MED15: variants seen among roughly 807,000 people sequenced by gnomAD.
The protein encoded by MED15 is mediator of RNA polymerase II transcription subunit 15.
A neutral mutation model predicts 118.7 loss-of-function variants in MED15; 41 were observed. The observed-to-expected ratio is 0.35, with a 90% CI of 0.27 to 0.45. The LOEUF (loss-of-function observed/expected upper bound fraction) is 0.45, where lower values mean the gene tolerates loss of function less well. MED15 is among the 20% of genes least tolerant of loss of function. MED15 has a pLI of 1.00. For synonymous variants in MED15, 436 were observed against 413.9 expected, an observed-to-expected ratio of 1.05 and a Z score of -0.65; for missense variants, 740 against 1,025.5, an observed-to-expected ratio of 0.72 and a Z score of 3.80.
chr22:20,535,872 C>CTTTTTTTTTTTTTT (rs536712415), intron 1 of MED15, among the ~76,000 whole-genome samples: 1 of 98,688 alleles, frequency 1.0e-5, no homozygotes, highest in Non-Finnish European at 2.0e-5. Context: ...TTCTTTCTTT[C>CTTTTTTTTTTTTTT]TTTTTTTTTT....
intron 1 of MED15, among the ~76,000 whole-genome samples, chr22:20,521,914 T>C (rs914562824): frequency 3.3e-5 from 5 of 151,756 alleles, no homozygotes; most frequent in Admixed American, 2.6e-4. Context: ...TTAGTAGAGA[T>C]GGGGTTTCGC....
At position 20,537,633 on chromosome 22, in the gene MED15, T is replaced by C. The variant is rs2055132646; in HGVS notation, c.156+429T>C. 2.0e-5 allele frequency among the ~76,000 whole-genome samples: 3 copies of C among 152,348 alleles called. No homozygotes were observed. In the South Asian group the frequency reaches 6.2e-4, roughly 32 times the overall value. The stretch of plus-strand genomic sequence containing the variant: ...AGCATTCCTGTCCCCTTTTGCTAAG[T>C]GAAGAAGGTGATGCTTATCTAGAAC... On this transcript the variant is annotated intron_variant, in intron 2 of 17. Coordinates refer to ENST00000263205, the MANE Select transcript of MED15 (RefSeq NM_001003891.3).
At chr22:20,523,517 A>C (rs1440664835) in intron 1 of MED15, 1 of 326,638 alleles carries the variant, frequency 3.1e-6, no homozygotes, top group Non-Finnish European at 4.4e-6. Flanking sequence ...CACATCCCAG[A>C]CACCAGATGA....
intron 5 of MED15, among the ~76,000 whole-genome samples, chr22:20,557,972 G>C (rs993295251): frequency 4.6e-5 from 7 of 152,322 alleles, no homozygotes; most frequent in African/African-American, 1.7e-4. Flanking sequence ...CGGGCGTAGT[G>C]GTGGGTGCCT....
At chr22:20,557,236 C>T (rs949746585) in intron 5 of MED15, among the ~76,000 whole-genome samples, 1 of 152,064 alleles carries the variant, frequency 6.6e-6, no homozygotes, top group African/African-American at 2.4e-5. Context: ...GCTGCCTGAC[C>T]CCATCCTCAC....
chr22:20,585,167 G>A lies in MED15; in HGVS notation c.2031G>A (p.Val677=). ...ATGAGCGGCAGAGCATCCCCAGTGT[G>A]CTCCAGGGTGAGGTGGCCAGGCTGG... ...EDDERQSIPS[V]LQGEVARLDP... Residue 677 remains valine, a synonymous_variant, in exon 16 of 18, where the codon GTG becomes GTA. Transcript: ENST00000263205. The A allele has an allele frequency of 6.2e-7, 1 of 1,613,794 alleles. No individual in the cohort carries two copies. Among genetic ancestry groups the A allele is most frequent in the Non-Finnish European group, 8.5e-7 (1 of 1,180,020 alleles).
intron 8 of MED15, among the ~76,000 whole-genome samples, chr22:20,573,025 A>G (rs187007368): frequency 6.6e-6 from 1 of 151,314 alleles, no homozygotes; most frequent in Non-Finnish European, 1.5e-5. Flanking sequence ...CTGGAGTGCA[A>G]TGGTACAGTC....
chr22:20,507,675 A>C lies in MED15; in HGVS notation c.-4A>C, dbSNP rs758630447. 2 of 1,614,020 alleles carry C rather than the reference A, an allele frequency of 1.2e-6. No individual in the cohort carries two copies. Among genetic ancestry groups the C allele is most frequent in the South Asian group, 1.1e-5 (1 of 91,088 alleles). ...ATACGGGCGGCGGGAGCTGGGGAACAGGCATGGACGTTTCCGGGCAAGAGA... is the reference window on the plus strand; with the variant it reads ...ATACGGGCGGCGGGAGCTGGGGAACCGGCATGGACGTTTCCGGGCAAGAGA... On this transcript the variant is annotated 5_prime_UTR_variant, in exon 1 of 18. Transcript: ENST00000263205.
Position 20,586,905 on chromosome 22 carries a change from G to A in MED15, c.*201G>A. 1 of 822,476 alleles carries A rather than the reference G, an allele frequency of 1.2e-6. No homozygotes were observed. Among genetic ancestry groups the A allele is most frequent in the Non-Finnish European group, 1.8e-6 (1 of 549,796 alleles). 50.9% of individuals were successfully genotyped at this position (822,476 alleles called of 1,614,324 possible). The stretch of plus-strand genomic sequence containing the variant: ...AGGCGCAGTGGAGCGGGTTGCTTGG[G>A]GGGCGTTGGCCGACTTCTTAGAGAA... On this transcript the variant is annotated 3_prime_UTR_variant, in exon 18 of 18. Coordinates refer to ENST00000263205, the MANE Select transcript of MED15 (RefSeq NM_001003891.3).
chr22:20,556,676 G>A (rs536243323), intron 5 of MED15, among the ~76,000 whole-genome samples: 1 of 151,038 alleles, frequency 6.6e-6, no homozygotes, highest in South Asian at 2.1e-4. Flanking sequence ...TTTACCACGT[G>A]TCAAATCAAG....
chr22:20,583,214 C>T lies in MED15; in HGVS notation c.1639C>T (p.Arg547Cys). The T allele has an allele frequency of 1.2e-6, 2 of 1,612,084 alleles. No homozygotes were observed. Among genetic ancestry groups the T allele is most frequent in the Non-Finnish European group, 1.7e-6 (2 of 1,179,064 alleles). The change falls in exon 12 of 18, where the codon CGC (arginine) becomes TGC (cysteine). Residue 547 changes from arginine (R) to cysteine (C), a missense_variant. Around this residue, in one of 7 missense-constraint regions of MED15, gnomAD observed 384 missense variants for 506.3 expected, o/e 0.76. Coordinates refer to ENST00000263205, the MANE Select transcript of MED15 (RefSeq NM_001003891.3). ...GCTGTCGAAGTACATCGAGCCCCTGCGCCGCATGATCAACAAGATCGACAA... is the reference window on the plus strand; with the variant it reads ...GCTGTCGAAGTACATCGAGCCCCTGTGCCGCATGATCAACAAGATCGACAA... Reference protein sequence around the residue: ...KQLSKYIEPLRRMINKIDKNE... With the variant: ...KQLSKYIEPLCRMINKIDKNE...
chr22:20,543,311 A>T (rs1409895193), intron 2 of MED15, among the ~76,000 whole-genome samples: 3 of 139,042 alleles, frequency 2.2e-5, no homozygotes, highest in African/African-American at 8.3e-5. Context: ...TCCTGGGTTC[A>T]GGTGATTATC....
intron 5 of MED15, among the ~76,000 whole-genome samples, chr22:20,562,186 A>T (rs2056268778): frequency 6.6e-6 from 1 of 152,156 alleles, no homozygotes; most frequent in South Asian, 2.1e-4. Context: ...AAAAAAAAGG[A>T]TGAAGAAAGA....
intron 9 of MED15, among the ~76,000 whole-genome samples, chr22:20,576,828 A>G (rs1230073256): frequency 2.0e-5 from 3 of 151,860 alleles, no homozygotes; most frequent in Admixed American, 2.0e-4. Context: ...CCTTGACTAG[A>G]CCCCTTTGGG....
rs575337255 is a variant in MED15, at chr22:20,508,409, C to G, written c.68+663C>G. 27 of 1,303,796 alleles carry G rather than the reference C, an allele frequency of 2.1e-5. No individual in the cohort carries two copies. The Middle Eastern group carries it at 6.4e-4, about 31-fold the overall frequency. 80.8% of individuals were successfully genotyped at this position (1,303,796 alleles called of 1,614,324 possible). A position where few individuals can be genotyped will look rare whatever the true frequency, so the allele number is the denominator to read the frequency against. ...GTTTCTGTTAGCAGTTTTTTTCATG[C>G]GCGTCCGTGTGAAGAGACCACCAAA... On this transcript the variant is annotated intron_variant, in intron 1 of 17. Coordinates refer to ENST00000263205, the MANE Select transcript of MED15 (RefSeq NM_001003891.3).
chr22:20,512,587 CTTTTTTTTTTTTT>C (rs1001694854), intron 1 of MED15, among the ~76,000 whole-genome samples: 1 of 91,510 alleles, frequency 1.1e-5, no homozygotes, highest in Non-Finnish European at 2.1e-5. Flanking sequence ...TGAGTCACCT[CTTTTTTTTTTTTT>C]TTTTTTTTTG....
Position 20,537,166 on chromosome 22 carries a change from G to A in MED15, c.118G>A (p.Asp40Asn). Residue 40 changes from aspartate to asparagine, a missense_variant, in exon 2 of 18, where the codon GAT becomes AAT. This residue lies in a region of MED15 where 33 missense variants were observed against 78.2 expected (regional missense o/e 0.42). Transcript: ENST00000263205. Reference protein sequence around the residue: ...AGVAHSKSSKDMESHVFLKAK... With the variant: ...AGVAHSKSSKNMESHVFLKAK... ...TGTGGCACACAGTAAATCCAGCAAG[G>A]ATATGGAGAGCCATGTTTTCCTGAA... 3 of 1,613,988 alleles carry A rather than the reference G, an allele frequency of 1.9e-6. No individual in the cohort carries two copies. Among genetic ancestry groups the A allele is most frequent in the Non-Finnish European group, 2.5e-6 (3 of 1,179,912 alleles).
At chr22:20,546,275 C>G (rs75464755) in intron 2 of MED15, among the ~76,000 whole-genome samples, 1 of 152,062 alleles carries the variant, frequency 6.6e-6, no homozygotes, top group Non-Finnish European at 1.5e-5. Context: ...GGTGCTAAAT[C>G]GGAGAGCAGA....
chr22:20,585,037 T>C, intron 15 of MED15, 22 bp downstream of exon 15: 1 of 1,613,766 alleles, frequency 6.2e-7, no homozygotes, highest in Non-Finnish European at 8.5e-7. Context: ...TGGGCTGGGC[T>C]TTGCGGAGGG....
Sources: allele counts gnomAD v4.1 joint callset (sites outside exome capture counted in the v4.1 genomes callset), GRCh38; gene constraint gnomAD v4.1.1; regional missense constraint gnomAD v4.1.1; transcripts MANE v1.5; gene names NCBI Gene and HGNC (gene_info 2026-07-23, HGNC 2026-07-21).